Variants in COL17A1 observed in about 807,000 individuals in gnomAD.
COL17A1 encodes collagen alpha-1(XVII) chain.
In COL17A1, 181 loss-of-function variants were observed where a neutral mutation model predicts 218.4. The ratio of observed to expected loss-of-function variants is 0.83; its 90% CI spans 0.73 to 0.94. The LOEUF (loss-of-function observed/expected upper bound fraction) is 0.94, where lower values mean the gene tolerates loss of function less well. COL17A1 is among the 40% of genes least tolerant of loss of function. The pLI is 0.00. For missense variants in COL17A1, 1,924 were observed against 1,945.9 expected (o/e 0.99, Z 0.21); for synonymous variants, 721 against 731.0 (o/e 0.99, Z 0.22).
rs1219782081 is a variant in COL17A1, at chr10:104,034,187, C to G, written c.3914G>C (p.Ser1305Thr). 5.6e-6 allele frequency: 9 copies of G among 1,613,266 alleles called. No homozygotes were observed. The highest frequency in any genetic ancestry group is 7.6e-6 in the Non-Finnish European group (9 of 1,179,934). The change falls in exon 52 of 56, where the codon AGC becomes ACC. Residue 1305 changes from serine to threonine, a missense_variant. Physicochemically the swap from Ser to Thr is moderately conservative, Grantham distance 58. Transcript: ENST00000648076. ...SSHSSSVRRG[S>T]SYSSSMSTGG... is the part of the protein sequence containing the mutation. Reference sequence around the variant, plus strand: ...TGTGCTCATGGAAGAGCTGTAGGAGCTGCCCCGCCTGACAGATGAGCTGTG... The same window carrying G: ...TGTGCTCATGGAAGAGCTGTAGGAGGTGCCCCGCCTGACAGATGAGCTGTG...
At chr10:104,070,333 T>G (rs2086658872) in intron 9 of COL17A1, 93 bp downstream of exon 9, 2 of 1,579,534 alleles carry the variant, frequency 1.3e-6, no homozygotes, top group African/African-American at 2.7e-5. Flanking sequence ...AGTCTCACTT[T>G]CACTGTTCTC....
intron 32 of COL17A1, among the ~76,000 whole-genome samples, chr10:104,046,458 G>T (rs1156760259): frequency 6.6e-6 from 1 of 152,208 alleles, no homozygotes; most frequent in Non-Finnish European, 1.5e-5. Context: ...TGGGAGCTCA[G>T]CTATGAGCTT....
At chr10:104,049,512 C>T in intron 28 of COL17A1, 41 bp from the exon 29 acceptor site, 4 of 1,599,456 alleles carry the variant, frequency 2.5e-6, no homozygotes, top group Non-Finnish European at 3.4e-6. Flanking sequence ...CACTTGCAAG[C>T]TGTGTATGCT....
intron 17 of COL17A1, 77 bp from the exon 18 acceptor site, chr10:104,056,080 C>T (rs2086522622): frequency 6.4e-7 from 1 of 1,553,546 alleles, no homozygotes; most frequent in Admixed American, 1.7e-5. Flanking sequence ...TAGTGGAGAG[C>T]CTGACACAAG....
chr10:104,064,488 G>T lies in COL17A1; in HGVS notation c.716C>A (p.Thr239Lys). The T allele has an allele frequency of 6.2e-7, 1 of 1,614,204 alleles. No individual in the cohort carries two copies. The highest frequency in any genetic ancestry group is 1.7e-4 in the Middle Eastern group (1 of 6,058). Residue 239 changes from threonine to lysine, a missense_variant, in exon 10 of 56, where the codon ACA (threonine) becomes AAA (lysine). By Grantham distance (78) the Thr-to-Lys change is moderately conservative (BLOSUM62 -1). Coordinates refer to ENST00000648076, the MANE Select transcript of COL17A1 (RefSeq NM_000494.4). ...GTTGAGGAGGGATGAGCTCTGGGTT[G>T]TCATGTTGTTGTGATAGGTCCCCAT... is the stretch of plus-strand genomic sequence containing the variant. Reference protein sequence around the residue: ...SSMGTYHNNMTTQSSSLLNTN... With the variant: ...SSMGTYHNNMKTQSSSLLNTN...
intron 11 of COL17A1, 89 bp from the exon 12 acceptor site, chr10:104,062,418 C>T: frequency 6.4e-7 from 1 of 1,558,754 alleles, no homozygotes; most frequent in South Asian, 1.1e-5. Context: ...AAACCACTTT[C>T]ATGATCAATG....
chr10:104,045,278 G>T (rs1342736868), intron 33 of COL17A1, among the ~76,000 whole-genome samples: 1 of 152,154 alleles, frequency 6.6e-6, no homozygotes, highest in East Asian at 1.9e-4. Flanking sequence ...CTCTCTGCCT[G>T]TACTAAAGCC....
intron 52 of COL17A1, 88 bp downstream of exon 52, chr10:104,033,857 C>G (rs2086241582): frequency 3.2e-6 from 5 of 1,586,526 alleles, no homozygotes; most frequent in Middle Eastern, 3.5e-4. Context: ...GTCTTCACAG[C>G]CTGGGGGTTC....
intron 5 of COL17A1, 54 bp from the exon 6 acceptor site, chr10:104,074,285 T>C (rs1053419990): frequency 3.1e-6 from 5 of 1,613,446 alleles, no homozygotes; most frequent in Non-Finnish European, 4.2e-6. Flanking sequence ...CCATAAAGCT[T>C]CCAAAACGGG....
intron 28 of COL17A1, 59 bp downstream of exon 28, chr10:104,050,030 G>T: frequency 6.2e-7 from 1 of 1,612,934 alleles, no homozygotes; most frequent in Non-Finnish European, 8.5e-7. Context: ...CCAACCTAGT[G>T]ACTGATGGAT....
intron 8 of COL17A1, 32 bp downstream of exon 8, chr10:104,072,000 C>A (rs766157625): frequency 1.2e-6 from 2 of 1,613,796 alleles, no homozygotes; most frequent in Non-Finnish European, 8.5e-7. Context: ...ATTTCTGGAC[C>A]CTTTCTTTTC....
intron 2 of COL17A1, 120 bp downstream of exon 2, chr10:104,080,502 A>G (rs1206010386): frequency 3.4e-6 from 4 of 1,174,042 alleles, no homozygotes; most frequent in Non-Finnish European, 4.9e-6. Flanking sequence ...CCATTTAGGA[A>G]CACACTTAAA....
In COL17A1 at chr10:104,053,994, C is replaced by T. The variant is rs2086495097; in HGVS notation, c.1772-12G>A. On this transcript the variant is annotated splice_polypyrimidine_tract_variant and intron_variant, in intron 21 of 55. Coordinates refer to ENST00000648076, the MANE Select transcript of COL17A1 (RefSeq NM_000494.4). ...GGGCCCAGGGATACCTGTGAACACA[C>T]AAGGATATCTCAGCCCCTGTTTTCC... The T allele has an allele frequency of 1.2e-6, 2 of 1,612,350 alleles. No individual in the cohort carries two copies. Among genetic ancestry groups the T allele is most frequent in the Non-Finnish European group, 1.7e-6 (2 of 1,178,360 alleles).
chr10:104,041,464 A>G (rs1196016459), intron 37 of COL17A1, 21 bp downstream of exon 37: 1 of 1,606,506 alleles, frequency 6.2e-7, no homozygotes, highest in South Asian at 1.1e-5. Flanking sequence ...CCCACCTTCC[A>G]AAGGTCTCCA....
Position 104,050,848 on chromosome 10 carries a change from C to G in COL17A1, c.2092G>C (p.Gly698Arg). 1 of 1,614,136 alleles carries G rather than the reference C, an allele frequency of 6.2e-7. No homozygotes were observed. The highest frequency in any genetic ancestry group is 8.5e-7 in the Non-Finnish European group (1 of 1,180,030). ...RGEVGLPGVK[G>R]DKGPMGPPGP... ...CCCCCCAGGCCTCCCTCCAGCTTACCTTTGACACCAGGAAGTCCTACTTCA... is the reference window on the plus strand; with the variant it reads ...CCCCCCAGGCCTCCCTCCAGCTTACGTTTGACACCAGGAAGTCCTACTTCA... The change falls in exon 26 of 56, where the codon GGT (glycine) becomes CGT (arginine). Residue 698 changes from glycine to arginine, a missense_variant and splice_region_variant. Gly to Arg is a moderately radical substitution (Grantham distance 125, BLOSUM62 -2). Coordinates refer to ENST00000648076, the MANE Select transcript of COL17A1 (RefSeq NM_000494.4).
intron 3 of COL17A1, among the ~76,000 whole-genome samples, chr10:104,077,907 T>C (rs997026117): frequency 6.6e-6 from 1 of 152,212 alleles, no homozygotes; most frequent in Non-Finnish European, 1.5e-5. Context: ...GCCTGGTCAG[T>C]GCCCAGGCAT....
At chr10:104,049,952 G>A in intron 28 of COL17A1, 137 bp downstream of exon 28, 1 of 1,381,244 alleles carries the variant, frequency 7.2e-7, no homozygotes, top group Non-Finnish European at 1.0e-6. Context: ...CTCATCTTGT[G>A]TTTTTTCTAG....
chr10:104,071,462 C>T (rs1049983629), intron 8 of COL17A1, among the ~76,000 whole-genome samples: 1 of 152,160 alleles, frequency 6.6e-6, no homozygotes, highest in Non-Finnish European at 1.5e-5. Context: ...TTGTTAAATA[C>T]CTCTAGCAAG....
At position 104,036,952 on chromosome 10, in the gene COL17A1, C is replaced by T. The variant is rs190907951; in HGVS notation, c.3277+93G>A. On this transcript the variant is annotated intron_variant, in intron 47 of 55. Coordinates refer to ENST00000648076, the MANE Select transcript of COL17A1 (RefSeq NM_000494.4). ...ACTCTGCCTCCCTCTTGCAGCCCTT[C>T]CAAGGCTCAGACGAGGACAAGGTTT... 1.1e-3 allele frequency: 1,361 copies of T among 1,226,404 alleles called. 2 individuals carry two copies. The highest frequency in any genetic ancestry group is 4.3e-3 in the Admixed American group (216 of 50,664). 76.0% of individuals were successfully genotyped at this position (1,226,404 alleles called of 1,614,324 possible).
Sources: allele counts gnomAD v4.1 joint callset (sites outside exome capture counted in the v4.1 genomes callset), GRCh38; gene constraint gnomAD v4.1.1; transcripts MANE v1.5; gene names NCBI Gene and HGNC (gene_info 2026-07-23, HGNC 2026-07-21).